The following CUX2 variants were observed in gnomAD, a reference collection of about 807,000 sequenced individuals.
The protein encoded by CUX2 is cut like homeobox 2.
CUX2 carries 40 observed loss-of-function variants against 144.8 expected under a neutral mutation model. That is an observed-to-expected ratio of 0.28 (90% CI 0.21 to 0.36). The LOEUF (loss-of-function observed/expected upper bound fraction) is 0.36. Ranked by LOEUF, CUX2 falls within the 10% of genes least tolerant of loss-of-function variation. The probability of loss-of-function intolerance (pLI) is 1.00; values close to 1 mark genes in which losing one functional copy is unlikely to be tolerated. For missense variants in CUX2, 1,615 were observed against 1,994.0 expected, an observed-to-expected ratio of 0.81 and a Z score of 3.62; for synonymous variants, 827 against 875.6, an observed-to-expected ratio of 0.94 and a Z score of 0.98.
At chr12:111,075,138 C>G (rs2136035197) in intron 1 of CUX2, among the ~76,000 whole-genome samples, 2 of 151,424 alleles carry the variant, frequency 1.3e-5, no homozygotes, top group East Asian at 3.9e-4. Flanking sequence ...ACAGGAGCAG[C>G]CGCTCTCCCT....
At chr12:111,211,038 A>G (rs1220065603) in intron 1 of CUX2, among the ~76,000 whole-genome samples, 1 of 152,206 alleles carries the variant, frequency 6.6e-6, no homozygotes, top group African/African-American at 2.4e-5. Context: ...GACAAGACAC[A>G]TTAATGTGTT....
At chr12:111,273,974 G>A (rs1884741662) in intron 4 of CUX2, among the ~76,000 whole-genome samples, 3 of 152,206 alleles carry the variant, frequency 2.0e-5, no homozygotes, top group Non-Finnish European at 4.4e-5. Context: ...GTCAGCAACA[G>A]GGGCACAATG....
chr12:111,153,948 C>CAGTG (rs765503530), intron 1 of CUX2, among the ~76,000 whole-genome samples: 9 of 152,134 alleles, frequency 5.9e-5, no homozygotes, highest in Non-Finnish European at 1.0e-4. Context: ...TGACCACCTT[C>CAGTG]ACGTTCATTT....
intron 1 of CUX2, among the ~76,000 whole-genome samples, chr12:111,123,639 G>A (rs936235532): frequency 5.9e-5 from 9 of 152,018 alleles, no homozygotes; most frequent in Non-Finnish European, 1.0e-4. Context: ...AGGCTCAAGC[G>A]ATCCTCCTAC....
At chr12:111,329,745 C>T (rs1888007111) in intron 18 of CUX2, among the ~76,000 whole-genome samples, 1 of 152,200 alleles carries the variant, frequency 6.6e-6, no homozygotes, top group South Asian at 2.1e-4. Flanking sequence ...AACCAATTCT[C>T]CTGCCTCAGC....
intron 4 of CUX2, among the ~76,000 whole-genome samples, chr12:111,272,975 G>A (rs1242036584): frequency 6.6e-6 from 1 of 152,164 alleles, no homozygotes; most frequent in Non-Finnish European, 1.5e-5. Flanking sequence ...CTTTCAGAAG[G>A]GAGGACAGGC....
In CUX2 at chr12:111,077,398, G is replaced by A. The variant is rs1293591778; in HGVS notation, c.63+43158G>A. 6.6e-6 allele frequency among the ~76,000 whole-genome samples: 1 copy of A among 152,016 alleles called. No homozygotes were observed. ...TGGGGACTGGCGCGGCCATGCCATC[G>A]ACCTGAACCCCCTGGACTTCTGCCC... On this transcript the variant is annotated intron_variant, in intron 1 of 21. Coordinates refer to ENST00000261726, the MANE Select transcript of CUX2 (RefSeq NM_015267.4). This position sits in a 1 kb window ranked among gnomAD's most constrained non-coding sequence, Gnocchi z 4.1.
intron 1 of CUX2, among the ~76,000 whole-genome samples, chr12:111,208,497 A>G (rs947110101): frequency 6.6e-5 from 10 of 152,226 alleles, no homozygotes; most frequent in Non-Finnish European, 1.0e-4. Flanking sequence ...GCTTCCCCAT[A>G]GATAACCAAC....
chr12:111,279,609 ACC>A (rs1885026725), intron 4 of CUX2, among the ~76,000 whole-genome samples: 1 of 151,894 alleles, frequency 6.6e-6, no homozygotes. Context: ...GATTGCTGGA[ACC>A]CAGGAGTTTG....
At chr12:111,288,554 C>T (rs553262351) in intron 4 of CUX2, among the ~76,000 whole-genome samples, 2 of 151,834 alleles carry the variant, frequency 1.3e-5, no homozygotes, top group African/African-American at 4.8e-5. Flanking sequence ...CGACCAGGCA[C>T]GATAACTCAT....
intron 3 of CUX2, among the ~76,000 whole-genome samples, chr12:111,222,113 G>C (rs976750627): frequency 6.6e-6 from 1 of 152,204 alleles, no homozygotes; most frequent in Admixed American, 6.5e-5. Flanking sequence ...GTTGTTGATG[G>C]ATGGATTGCA....
rs1233124548 is a variant in CUX2 at position 111,312,661 on chromosome 12, C to T, written c.2002+460C>T. On this transcript the variant is annotated intron_variant, in intron 16 of 21. Transcript: ENST00000261726. The surrounding 1 kb of genome is among the most constrained non-coding windows in gnomAD (Gnocchi z 4.3). Reference sequence around the variant, plus strand: ...GTTGCAGTGAGCCGAGATCACACCACTGCACTCCAGCCTAGGTGACAAAGC... The same window carrying T: ...GTTGCAGTGAGCCGAGATCACACCATTGCACTCCAGCCTAGGTGACAAAGC... Among the ~76,000 whole-genome samples the T allele has an allele frequency of 1.3e-5, 2 of 152,024 alleles. No individual in the cohort carries two copies. The highest frequency in any genetic ancestry group is 2.4e-5 in the African/African-American group (1 of 41,406).
intron 1 of CUX2, among the ~76,000 whole-genome samples, chr12:111,206,104 G>A (rs1466105087): frequency 6.6e-6 from 1 of 152,230 alleles, no homozygotes; most frequent in Non-Finnish European, 1.5e-5. Context: ...GGGAGGCCAA[G>A]GCAGAAGGAT....
chr12:111,104,865 G>A (rs1455719333), intron 1 of CUX2, among the ~76,000 whole-genome samples: 1 of 152,064 alleles, frequency 6.6e-6, no homozygotes, highest in Non-Finnish European at 1.5e-5. Context: ...ACCTGGGCTC[G>A]CAGCCAGCTG....
chr12:111,240,134 G>A (rs1882952611), intron 3 of CUX2, among the ~76,000 whole-genome samples: 1 of 152,234 alleles, frequency 6.6e-6, no homozygotes, highest in Admixed American at 6.5e-5. Context: ...GGCTTATCAA[G>A]GTGAGAGGAT....
intron 1 of CUX2, among the ~76,000 whole-genome samples, chr12:111,073,356 A>G (rs1044591559): frequency 3.3e-5 from 5 of 152,120 alleles, no homozygotes; most frequent in African/African-American, 4.8e-5. Context: ...ATTGCTGTGT[A>G]GCATTCTCTT....
intron 1 of CUX2, among the ~76,000 whole-genome samples, chr12:111,101,981 G>A (rs1873274278): frequency 6.6e-6 from 1 of 152,212 alleles, no homozygotes; most frequent in Non-Finnish European, 1.5e-5. Flanking sequence ...TAGAGCAGGA[G>A]CTATTATTGT....
At chr12:111,163,099 C>T (rs949336982) in intron 1 of CUX2, among the ~76,000 whole-genome samples, 7 of 151,816 alleles carry the variant, frequency 4.6e-5, no homozygotes, top group African/African-American at 1.7e-4. Flanking sequence ...CGAATCTCAG[C>T]TCTGCTGCTG....
Position 111,331,050 on chromosome 12 carries a change from C to T in CUX2, c.2927-3391C>T, listed in dbSNP as rs73418763. ...ACCAGCCTGAGCAAAGACATAGGGG[C>T]TTAGAGAGGAGCCTAGATGTTTGTG... On this transcript the variant is annotated intron_variant, in intron 18 of 21. Coordinates refer to ENST00000261726, the MANE Select transcript of CUX2 (RefSeq NM_015267.4). Among the ~76,000 whole-genome samples, 517 of 151,626 alleles carry T rather than the reference C, an allele frequency of 3.4e-3. 6 individuals are homozygous for T. Among genetic ancestry groups the T allele is most frequent in the African/African-American group, 0.012 (490 of 41,384 alleles).
Sources: gnomAD v4.1 joint callset for allele counts (sites outside exome capture counted in the v4.1 genomes callset) on GRCh38, gnomAD v4.1.1 for gene constraint, Gnocchi (gnomAD v3.1) non-coding constraint, MANE v1.5 for transcripts, NCBI Gene and HGNC (gene_info 2026-07-23, HGNC 2026-07-21) for gene names.